Variants in SLC22A25 observed in about 807,000 individuals in gnomAD.
SLC22A25 encodes solute carrier family 22 member 25, also known as MGI:2442751, MGI:2385316, MGI:3042283, MGI:3645714, MGI:3605624, MGI:2442750.
In SLC22A25, 44 loss-of-function variants were observed where a neutral mutation model predicts 45.9. The ratio of observed to expected loss-of-function variants is 0.96; its 90% confidence interval spans 0.75 to 1.23. SLC22A25 has a LOEUF of 1.23. SLC22A25 is among the 50% of genes most tolerant of loss of function. The pLI is 0.00. For synonymous variants in SLC22A25, 283 were observed against 238.6 expected (o/e 1.19, Z -1.72); for missense variants, 800 against 666.4 (o/e 1.20, Z -2.21).
chr11:63,211,654 A>G (rs957136254), intron 7 of SLC22A25, among the ~76,000 whole-genome samples: 1 of 152,212 alleles, frequency 6.6e-6, no homozygotes, highest in Non-Finnish European at 1.5e-5. Flanking sequence ...TACACCTTAT[A>G]CAAAAATTAA....
chr11:63,240,649 G>A (rs117738618), intron 1 of SLC22A25, among the ~76,000 whole-genome samples: 58 of 152,126 alleles, frequency 3.8e-4, no homozygotes, highest in Non-Finnish European at 7.6e-4. Flanking sequence ...TTTCTATTAA[G>A]TTTATTTTTT....
chr11:63,182,183 T>C (rs1050815675), intron 8 of SLC22A25, among the ~76,000 whole-genome samples: 14 of 152,090 alleles, frequency 9.2e-5, no homozygotes, highest in African/African-American at 3.4e-4. Context: ...ATGCATAGAA[T>C]CCACATCCTA....
At chr11:63,239,727 G>A (rs538205500) in intron 1 of SLC22A25, among the ~76,000 whole-genome samples, 10 of 152,270 alleles carry the variant, frequency 6.6e-5, no homozygotes, top group African/African-American at 2.2e-4. Context: ...TTCAGAAAGG[G>A]CAGAGTCAGG....
intron 7 of SLC22A25, among the ~76,000 whole-genome samples, chr11:63,210,563 C>T (rs1299998651): frequency 6.6e-6 from 1 of 152,172 alleles, no homozygotes; most frequent in Non-Finnish European, 1.5e-5. Context: ...TGTTGCTATT[C>T]ATGTCTGAAA....
intron 3 of SLC22A25, among the ~76,000 whole-genome samples, chr11:63,234,600 G>A (rs2090130802): frequency 6.6e-6 from 1 of 152,188 alleles, no homozygotes; most frequent in Non-Finnish European, 1.5e-5. Context: ...CAATTTGCCA[G>A]TCTGTGCCTT....
chr11:63,196,859 A>G (rs561957582), intron 7 of SLC22A25, among the ~76,000 whole-genome samples: 1 of 152,330 alleles, frequency 6.6e-6, no homozygotes, highest in Admixed American at 6.5e-5. Context: ...AGAAAACCCC[A>G]TCATCTCAGC....
At chr11:63,199,955 C>T (rs116838667) in intron 7 of SLC22A25, among the ~76,000 whole-genome samples, 119 of 152,152 alleles carry the variant, frequency 7.8e-4, no homozygotes, top group African/African-American at 2.8e-3. Context: ...GTCTCACTTC[C>T]GCTGTTCTCT....
At chr11:63,235,162 C>T (rs182903718) in intron 3 of SLC22A25, among the ~76,000 whole-genome samples, 2 of 152,138 alleles carry the variant, frequency 1.3e-5, no homozygotes, top group East Asian at 1.9e-4. Flanking sequence ...GTGGCATTCT[C>T]TGTATTTCCT....
intron 7 of SLC22A25, among the ~76,000 whole-genome samples, chr11:63,211,523 TG>T (rs1402121237): frequency 2.0e-5 from 3 of 152,068 alleles, no homozygotes; most frequent in Non-Finnish European, 1.5e-5. Context: ...TGCCTGCCAG[TG>T]GGGGCAATTG....
chr11:63,237,586 T>C (rs940298660), intron 3 of SLC22A25, among the ~76,000 whole-genome samples: 5 of 152,234 alleles, frequency 3.3e-5, no homozygotes, highest in Non-Finnish European at 5.9e-5. Context: ...ACCTATCCTG[T>C]GACCTTCTGT....
rs2087518822 is a variant in SLC22A25, at chr11:63,159,580, T to C, written c.*4244A>G. On this transcript the variant is annotated 3_prime_UTR_variant, in exon 12 of 12. Transcript: ENST00000306494. ...CATTAAACCTCTTTTCTTTATAACT[T>C]ACCCAGTCTCAGGTATGTCTTTATC... Among the ~76,000 whole-genome samples the C allele has an allele frequency of 6.6e-6, 1 of 152,180 alleles. No individual in the cohort carries two copies. The highest frequency in any genetic ancestry group is 1.5e-5 in the Non-Finnish European group (1 of 68,040).
At chr11:63,212,148 C>T (rs1353624747) in intron 7 of SLC22A25, among the ~76,000 whole-genome samples, 3 of 151,920 alleles carry the variant, frequency 2.0e-5, no homozygotes, top group Non-Finnish European at 4.4e-5. Flanking sequence ...GAATGGCGAT[C>T]ATTAAAAAGT....
chr11:63,187,795 G>T (rs954187604), intron 7 of SLC22A25, among the ~76,000 whole-genome samples: 1 of 152,190 alleles, frequency 6.6e-6, no homozygotes, highest in Admixed American at 6.5e-5. Flanking sequence ...TGCATCTTTT[G>T]AGATAATCAT....
chr11:63,205,495 A>C (rs1437316532), intron 7 of SLC22A25, among the ~76,000 whole-genome samples: 1 of 152,232 alleles, frequency 6.6e-6, no homozygotes, highest in African/African-American at 2.4e-5. Flanking sequence ...CCATAGAAAT[A>C]CAAACTGCCA....
At chr11:63,213,291 G>A (rs976996343) in intron 7 of SLC22A25, among the ~76,000 whole-genome samples, 2 of 152,204 alleles carry the variant, frequency 1.3e-5, no homozygotes, top group African/African-American at 4.8e-5. Context: ...TATAAAGGAA[G>A]CTCTCATCCA....
At chr11:63,224,705 A>T (rs963756343) in intron 5 of SLC22A25, among the ~76,000 whole-genome samples, 2 of 152,264 alleles carry the variant, frequency 1.3e-5, no homozygotes, top group Non-Finnish European at 2.9e-5. Flanking sequence ...AAAAACAAAC[A>T]GGCAAAAAGA....
intron 5 of SLC22A25, among the ~76,000 whole-genome samples, chr11:63,219,652 T>A (rs564268694): frequency 6.6e-6 from 1 of 152,320 alleles, no homozygotes; most frequent in Admixed American, 6.5e-5. Context: ...TCTCTGCATA[T>A]GATCAATTAA....
At chr11:63,237,021 CA>C (rs2090176332) in intron 3 of SLC22A25, among the ~76,000 whole-genome samples, 1 of 152,158 alleles carries the variant, frequency 6.6e-6, no homozygotes, top group Non-Finnish European at 1.5e-5. Context: ...TCTATGGTTT[CA>C]ATGTCTGTTC....
rs141999401 is a variant in SLC22A25 at position 63,172,653 on chromosome 11, C to CT, written c.1071-6396dup. Among the ~76,000 whole-genome samples, 1,148 of 140,544 alleles carry CT rather than the reference C, an allele frequency of 8.2e-3. 22 individuals carry two copies. Among genetic ancestry groups the CT allele is most frequent in the African/African-American group, 0.029 (1,088 of 38,060 alleles). The allele number at this position is 140,544 out of a possible 152,430, so 92.2% of individuals were successfully genotyped here. A position where few individuals can be genotyped will look rare whatever the true frequency, so the allele number is the denominator to read the frequency against. On this transcript the variant is annotated intron_variant, in intron 9 of 11. Coordinates refer to ENST00000306494, the MANE Select transcript of SLC22A25 (RefSeq NM_199352.6). ...GTTTTCAGTGCCTTTCACAGGATAC[C>CT]TTTTTTTTTTTTTTTTTTTAACCTG... is the stretch of plus-strand genomic sequence containing the variant.
Sources: gnomAD v4.1 joint callset for allele counts (sites outside exome capture counted in the v4.1 genomes callset) on GRCh38, gnomAD v4.1.1 for gene constraint, MANE v1.5 for transcripts, NCBI Gene and HGNC (gene_info 2026-07-23, HGNC 2026-07-21) for gene names.